FKBP5: variants seen among roughly 807,000 people sequenced by gnomAD.
The protein encoded by FKBP5 is peptidyl-prolyl cis-trans isomerase FKBP5.
A neutral mutation model predicts 50.5 loss-of-function variants in FKBP5; 23 were observed. That is an observed-to-expected ratio of 0.46 (90% CI 0.33 to 0.65). The LOEUF is 0.65. Among genes scored for constraint, FKBP5 ranks in the 30% least tolerant of loss-of-function variants. The probability of loss-of-function intolerance (pLI) is 0.02; values close to 1 mark genes in which losing one functional copy is unlikely to be tolerated. For synonymous variants in FKBP5, 176 were observed against 190.6 expected, an observed-to-expected ratio of 0.92 and a Z score of 0.63; for missense variants, 411 against 553.1, an observed-to-expected ratio of 0.74 and a Z score of 2.58.
intron 3 of FKBP5, among the ~76,000 whole-genome samples, chr6:35,623,595 G>A (rs1296596057): frequency 6.6e-6 from 1 of 151,454 alleles, no homozygotes; most frequent in Non-Finnish European, 1.5e-5. Context: ...TAAGAGACAG[G>A]GTCTTGCTCT....
intron 1 of FKBP5, among the ~76,000 whole-genome samples, chr6:35,683,770 G>A (rs558783638): frequency 6.6e-6 from 1 of 151,152 alleles, no homozygotes; most frequent in African/African-American, 2.4e-5. Context: ...GACATTCCTA[G>A]GCTGGGCATG....
At chr6:35,698,561 C>T (rs1215148710) in intron 2 of FKBP5, among the ~76,000 whole-genome samples, 3 of 152,038 alleles carry the variant, frequency 2.0e-5, no homozygotes, top group Admixed American at 6.6e-5. Context: ...GCAGGAGAAT[C>T]GCTTGAACCT....
chr6:35,722,873 G>A (rs750921685), intron 1 of FKBP5, among the ~76,000 whole-genome samples: 7 of 152,172 alleles, frequency 4.6e-5, no homozygotes, highest in East Asian at 3.8e-4. Context: ...GGAGGGCAGC[G>A]ACCAGGTTTT....
intron 1 of FKBP5, among the ~76,000 whole-genome samples, chr6:35,665,039 T>C (rs1423243915): frequency 6.6e-6 from 1 of 152,118 alleles, no homozygotes; most frequent in East Asian, 1.9e-4. Flanking sequence ...ATAGCTATCA[T>C]CATATTTTGA....
intron 10 of FKBP5, 38 bp from the exon 11 acceptor site, chr6:35,575,980 A>C: frequency 7.2e-7 from 1 of 1,397,674 alleles, no homozygotes. Flanking sequence ...GTTAGAGAAT[A>C]AAGAAGTGAA....
intron 6 of FKBP5, among the ~76,000 whole-genome samples, chr6:35,591,624 G>T (rs774142968): frequency 3.4e-4 from 52 of 151,940 alleles, no homozygotes; most frequent in Non-Finnish European, 6.8e-4. Context: ...AGAAGACACA[G>T]CCACTGTAAT....
chr6:35,575,305 G>A lies in FKBP5; in HGVS notation c.*530C>T, dbSNP rs1258875687. 1.3e-5 allele frequency: 2 copies of A among 153,294 alleles called. No individual in the cohort carries two copies. Among genetic ancestry groups the A allele is most frequent in the Non-Finnish European group, 2.9e-5 (2 of 68,520 alleles). The allele number at this position is 153,294 out of a possible 1,614,324, so 9.5% of individuals were successfully genotyped here. The stretch of plus-strand genomic sequence containing the variant: ...CACTGCTGTGGAACTGGGGAGACAT[G>A]AGACCCCTCTACTGTGGGTTCTGTT... On this transcript the variant is annotated 3_prime_UTR_variant, in exon 11 of 11. Transcript: ENST00000357266.
chr6:35,667,478 C>T (rs1347039160), intron 1 of FKBP5, among the ~76,000 whole-genome samples: 1 of 152,100 alleles, frequency 6.6e-6, no homozygotes, highest in Non-Finnish European at 1.5e-5. Flanking sequence ...CAAAAAGAAT[C>T]CTTAAAATGA....
chr6:35,662,297 C>T (rs1296657510), intron 1 of FKBP5, among the ~76,000 whole-genome samples: 1 of 145,076 alleles, frequency 6.9e-6, no homozygotes, highest in Non-Finnish European at 1.5e-5. Flanking sequence ...TTTTTTGAGA[C>T]AGAGTTTTGC....
intron 3 of FKBP5, among the ~76,000 whole-genome samples, chr6:35,635,461 G>A (rs1436563008): frequency 6.6e-6 from 1 of 151,794 alleles, no homozygotes; most frequent in East Asian, 1.9e-4. Context: ...AAAAAAAAAA[G>A]GCATTTGAAA....
At chr6:35,705,239 T>TTTTTGG (rs1388002064) in intron 2 of FKBP5, among the ~76,000 whole-genome samples, 1 of 3,030 alleles carries the variant, frequency 3.3e-4, no homozygotes, top group African/African-American at 4.5e-3. Flanking sequence ...TATATATATA[T>TTTTTGG]ATATATATAT....
intron 4 of FKBP5, among the ~76,000 whole-genome samples, 196 bp downstream of exon 4, chr6:35,619,936 A>C (rs1763781026): frequency 1.3e-5 from 2 of 152,148 alleles, no homozygotes; most frequent in South Asian, 4.1e-4. Flanking sequence ...TTGTGCTAGA[A>C]ACACGTTTCT....
At chr6:35,630,135 A>G (rs1019525446) in intron 3 of FKBP5, among the ~76,000 whole-genome samples, 3 of 151,814 alleles carry the variant, frequency 2.0e-5, no homozygotes, top group African/African-American at 7.3e-5. Flanking sequence ...GTCTCTGGAG[A>G]GAAAGAGAGA....
chr6:35,607,866 A>G, intron 5 of FKBP5: 1 of 200,110 alleles, frequency 5.0e-6, no homozygotes. Context: ...GTGGGGATGC[A>G]CCAAGAGGAA....
In FKBP5 at chr6:35,648,493, C is replaced by T. The variant is rs576473879; in HGVS notation, c.-19-5650G>A. Among the ~76,000 whole-genome samples the T allele has an allele frequency of 2.6e-4, 40 of 151,912 alleles. No individual in the cohort carries two copies. In the South Asian group the frequency reaches 7.9e-3, roughly 30 times the overall value. ...GTCTCACTATGTTGCCCAGGCTGGT[C>T]TTGAAGTGATCCTGGGCTCAAGTGA... On this transcript the variant is annotated intron_variant, in intron 1 of 10. Coordinates refer to ENST00000357266, the MANE Select transcript of FKBP5 (RefSeq NM_004117.4).
rs1223915882 is a variant in FKBP5 at position 35,597,237 on chromosome 6, A to G, written c.665+11T>C. On this transcript the variant is annotated intron_variant, in intron 6 of 10. Coordinates refer to ENST00000357266, the MANE Select transcript of FKBP5 (RefSeq NM_004117.4). Reference sequence around the variant, plus strand: ...TGACTTCACTGTGTTCCAAACTGGTATGCTGCTTACCTTGGTCCAAGATAT... The same window carrying G: ...TGACTTCACTGTGTTCCAAACTGGTGTGCTGCTTACCTTGGTCCAAGATAT... 1.2e-6 allele frequency: 2 copies of G among 1,613,554 alleles called. No individual in the cohort carries two copies. The highest frequency in any genetic ancestry group is 1.7e-5 in the Admixed American group (1 of 59,886).
chr6:35,580,440 C>T (rs1762388996), intron 8 of FKBP5: 1 of 417,378 alleles, frequency 2.4e-6, no homozygotes, highest in Non-Finnish European at 4.2e-6. Flanking sequence ...CCTAGTGCTG[C>T]TCTGCAGCAT....
intron 8 of FKBP5, chr6:35,584,530 T>C (rs930078850): frequency 8.1e-6 from 8 of 985,384 alleles, no homozygotes; most frequent in Non-Finnish European, 7.2e-6. Flanking sequence ...GAGGGCAGTA[T>C]GGCAGATTGA....
intron 1 of FKBP5, among the ~76,000 whole-genome samples, chr6:35,679,638 T>C (rs1044683351): frequency 8.5e-5 from 13 of 152,230 alleles, no homozygotes; most frequent in African/African-American, 2.9e-4. Context: ...TTGATAAAGC[T>C]GGATACATTA....
Sources: gnomAD v4.1 joint callset for allele counts (sites outside exome capture counted in the v4.1 genomes callset) on GRCh38, gnomAD v4.1.1 for gene constraint, MANE v1.5 for transcripts, NCBI Gene and HGNC (gene_info 2026-07-23, HGNC 2026-07-21) for gene names.